Variants in TMEM117 observed in about 807,000 individuals in gnomAD.
TMEM117 encodes transmembrane protein 117.
Under a neutral mutation model 52.4 loss-of-function variants are expected in TMEM117, and 27 were observed. That is an observed-to-expected ratio of 0.51 (90% confidence interval 0.38 to 0.71). TMEM117 has a LOEUF of 0.71. TMEM117 is among the 30% of genes least tolerant of loss of function. The pLI is 0.00. For synonymous variants in TMEM117, 215 were observed against 206.3 expected (o/e 1.04, Z -0.36); for missense variants, 556 against 630.5 (o/e 0.88, Z 1.26).
chr12:44,040,770 G>A (rs1946784542), intron 3 of TMEM117, among the ~76,000 whole-genome samples: 1 of 152,014 alleles, frequency 6.6e-6, no homozygotes, highest in Non-Finnish European at 1.5e-5. Flanking sequence ...TGTCCTTGTT[G>A]GACAAAATAA....
chr12:44,201,956 G>A (rs12308449), intron 4 of TMEM117, among the ~76,000 whole-genome samples: 39,605 of 151,634 alleles, frequency 0.26, 9,166 homozygotes, highest in African/African-American at 0.63. Flanking sequence ...ATATCATGTG[G>A]TATCTTTATA....
At chr12:44,144,888 T>A (rs1948619983) in intron 4 of TMEM117, among the ~76,000 whole-genome samples, 2 of 152,222 alleles carry the variant, frequency 1.3e-5, no homozygotes, top group Admixed American at 1.3e-4. Flanking sequence ...CCGGGCGCGG[T>A]GGCTCACGCC....
intron 5 of TMEM117, among the ~76,000 whole-genome samples, chr12:44,212,852 A>G (rs554986587): frequency 6.6e-6 from 1 of 152,264 alleles, no homozygotes; most frequent in African/African-American, 2.4e-5. Context: ...GTACTTGAGG[A>G]AAATATACAC....
intron 5 of TMEM117, among the ~76,000 whole-genome samples, chr12:44,250,371 C>T (rs1181816572): frequency 3.3e-5 from 5 of 152,070 alleles, no homozygotes; most frequent in Admixed American, 6.6e-5. Flanking sequence ...GAAATAGGAA[C>T]GCTTTTACAC....
chr12:44,242,873 C>G (rs1286606419), intron 5 of TMEM117, among the ~76,000 whole-genome samples: 1 of 151,668 alleles, frequency 6.6e-6, no homozygotes, highest in Non-Finnish European at 1.5e-5. Flanking sequence ...AATTTACACT[C>G]CCACCAACAG....
At chr12:44,069,911 A>G (rs1947275933) in intron 3 of TMEM117, among the ~76,000 whole-genome samples, 1 of 151,844 alleles carries the variant, frequency 6.6e-6, no homozygotes, top group South Asian at 2.1e-4. Flanking sequence ...GAGACAGGGG[A>G]CAGAGTTTGA....
intron 2 of TMEM117, among the ~76,000 whole-genome samples, chr12:43,904,790 C>T (rs566482918): frequency 6.6e-6 from 1 of 152,296 alleles, no homozygotes; most frequent in Admixed American, 6.5e-5. Context: ...CAGTTTAGTC[C>T]CTTGTTGTTC....
the TMEM117 span, chr12:43,798,620 G>GT: frequency 9.8e-6 from 14 of 1,426,552 alleles, no homozygotes; most frequent in African/African-American, 2.3e-4. Context: ...TATCAAACTC[G>GT]TAAAAAAAAA....
At chr12:44,045,110 A>G (rs1203723224) in intron 3 of TMEM117, among the ~76,000 whole-genome samples, 1 of 152,134 alleles carries the variant, frequency 6.6e-6, no homozygotes, top group Non-Finnish European at 1.5e-5. Context: ...CATTCTGTGG[A>G]CACCACTCAA....
intron 3 of TMEM117, among the ~76,000 whole-genome samples, chr12:43,952,507 A>G (rs1391635567): frequency 6.6e-6 from 1 of 152,060 alleles, no homozygotes; most frequent in Non-Finnish European, 1.5e-5. Flanking sequence ...ACAAGTATCA[A>G]TAGCTGAACT....
In TMEM117 at chr12:44,302,598, C is replaced by A. The variant is rs1385073041; in HGVS notation, c.768+2859C>A. Among the ~76,000 whole-genome samples the A allele has an allele frequency of 2.6e-5, 4 of 152,332 alleles. No homozygotes were observed. The East Asian group carries it at 5.8e-4, about 22-fold the overall frequency. ...AATATGTCACTTTTTCCTTATAACT[C>A]TTCATATCCATGGAGCTTCCCAAGC... On this transcript the variant is annotated intron_variant, in intron 6 of 7. Transcript: ENST00000266534.
chr12:44,361,610 C>T (rs780956787), intron 6 of TMEM117, among the ~76,000 whole-genome samples: 2 of 152,078 alleles, frequency 1.3e-5, no homozygotes, highest in Non-Finnish European at 2.9e-5. Context: ...TACTTCCCAC[C>T]GCGCATCTAC....
At chr12:44,383,902 G>A (rs142677532) in intron 7 of TMEM117, among the ~76,000 whole-genome samples, 9 of 151,938 alleles carry the variant, frequency 5.9e-5, no homozygotes, top group African/African-American at 2.2e-4. Context: ...CATCTTCTTT[G>A]CTCTAATGTT....
chr12:44,311,723 A>G (rs1012106505), intron 6 of TMEM117, among the ~76,000 whole-genome samples: 1 of 142,386 alleles, frequency 7.0e-6, no homozygotes, highest in South Asian at 2.1e-4. Flanking sequence ...TTAAATATAT[A>G]TATGTATATA....
chr12:43,837,587 C>T (rs1201271415), intron 1 of TMEM117, among the ~76,000 whole-genome samples: 1 of 152,150 alleles, frequency 6.6e-6, no homozygotes, highest in Non-Finnish European at 1.5e-5. Flanking sequence ...CTTCGTGATC[C>T]GCCCGCCTTG....
intron 3 of TMEM117, among the ~76,000 whole-genome samples, chr12:44,022,813 T>C (rs978849478): frequency 6.6e-6 from 1 of 152,202 alleles, no homozygotes; most frequent in African/African-American, 2.4e-5. Flanking sequence ...ACACATATTA[T>C]ACTTAAACCA....
chr12:43,799,008 G>A, the TMEM117 span, among the ~76,000 whole-genome samples: 1 of 151,958 alleles, frequency 6.6e-6, no homozygotes, highest in African/African-American at 2.4e-5. Context: ...TTAATTTGTA[G>A]ACTCTCTAGA....
the TMEM117 span, chr12:43,806,034 G>C: frequency 6.6e-7 from 1 of 1,521,120 alleles, no homozygotes; most frequent in Non-Finnish European, 8.8e-7. Context: ...GACCGGGCTG[G>C]AGGAGGACGC....
the TMEM117 span, chr12:43,802,590 A>T: frequency 1.4e-6 from 1 of 724,020 alleles, no homozygotes; most frequent in Non-Finnish European, 2.3e-6. Context: ...AAAAAGTTGA[A>T]AAGAAAAATG....
Sources: gnomAD v4.1 joint callset for allele counts (sites outside exome capture counted in the v4.1 genomes callset) on GRCh38, gnomAD v4.1.1 for gene constraint, MANE v1.5 for transcripts, NCBI Gene and HGNC (gene_info 2026-07-23, HGNC 2026-07-21) for gene names.